Variants in LCLAT1 observed in about 807,000 individuals in gnomAD.
LCLAT1 encodes lysocardiolipin acyltransferase 1.
A neutral mutation model predicts 30.7 loss-of-function variants in LCLAT1; 11 were observed. The ratio of observed to expected loss-of-function variants is 0.36; its 90% CI spans 0.23 to 0.59. The LOEUF (loss-of-function observed/expected upper bound fraction) is 0.59, where lower values mean the gene tolerates loss of function less well. LCLAT1 is among the 20% of genes least tolerant of loss of function. The pLI is 0.77. For missense variants in LCLAT1, 402 were observed against 458.6 expected, an observed-to-expected ratio of 0.88 and a Z score of 1.13; for synonymous variants, 155 against 151.3, an observed-to-expected ratio of 1.02 and a Z score of -0.18.
intron 5 of LCLAT1, among the ~76,000 whole-genome samples, chr2:30,569,381 C>G (rs1318532084): frequency 6.6e-6 from 1 of 152,166 alleles, no homozygotes; most frequent in Non-Finnish European, 1.5e-5. Context: ...GAAAAGGTAA[C>G]TATTCGGAAA....
intron 5 of LCLAT1, among the ~76,000 whole-genome samples, chr2:30,621,095 T>G (rs995662980): frequency 1.3e-4 from 20 of 152,196 alleles, no homozygotes; most frequent in Admixed American, 1.2e-3. Context: ...TGGCCAGGTA[T>G]CTTGATAGGA....
chr2:30,584,249 C>T (rs895241660), intron 5 of LCLAT1, among the ~76,000 whole-genome samples: 1 of 152,224 alleles, frequency 6.6e-6, no homozygotes, highest in Non-Finnish European at 1.5e-5. Context: ...GTTGTAGTTA[C>T]ATGCGTGAAC....
intron 3 of LCLAT1, among the ~76,000 whole-genome samples, chr2:30,554,165 T>C (rs1302047398): frequency 6.6e-6 from 1 of 152,254 alleles, no homozygotes; most frequent in Non-Finnish European, 1.5e-5. Flanking sequence ...CAAAACCTCA[T>C]GGATATTGCT....
At chr2:30,517,769 C>CAG (rs1159450643) in intron 1 of LCLAT1, among the ~76,000 whole-genome samples, 1 of 150,342 alleles carries the variant, frequency 6.7e-6, no homozygotes, top group Non-Finnish European at 1.5e-5. Context: ...GACAGAAAGT[C>CAG]AGAGAGAGAA....
At chr2:30,587,764 AC>A (rs1666509667) in intron 5 of LCLAT1, among the ~76,000 whole-genome samples, 1 of 151,802 alleles carries the variant, frequency 6.6e-6, no homozygotes, top group Non-Finnish European at 1.5e-5. Flanking sequence ...TGTTTATGGT[AC>A]CTTTTTTTTT....
rs186011067 is a variant in LCLAT1 at position 30,634,775 on chromosome 2, G to C, written c.629-5342G>C. Among the ~76,000 whole-genome samples, 3 of 152,282 alleles carry C rather than the reference G, an allele frequency of 2.0e-5. No homozygotes were observed. In the East Asian group the frequency reaches 5.8e-4, roughly 29 times the overall value. On this transcript the variant is annotated intron_variant, in intron 5 of 5. Coordinates refer to ENST00000379509, the MANE Select transcript of LCLAT1 (RefSeq NM_001002257.3). The stretch of plus-strand genomic sequence containing the variant: ...CTGCAGGTACATTTTTTTCTTTACA[G>C]ATTACAGTATTTTAGCCCAGTTATA...
chr2:30,567,010 A>G (rs1440511201), intron 4 of LCLAT1, among the ~76,000 whole-genome samples: 1 of 152,196 alleles, frequency 6.6e-6, no homozygotes. Context: ...CAGATATTTC[A>G]GTTCACATTG....
intron 3 of LCLAT1, among the ~76,000 whole-genome samples, chr2:30,535,422 C>T (rs1471008788): frequency 1.3e-5 from 2 of 152,106 alleles, no homozygotes; most frequent in Non-Finnish European, 2.9e-5. Flanking sequence ...TGTGTGCATA[C>T]GTGTGTTCAC....
At chr2:30,590,416 A>G (rs1034307384) in intron 5 of LCLAT1, among the ~76,000 whole-genome samples, 2 of 151,596 alleles carry the variant, frequency 1.3e-5, no homozygotes, top group Admixed American at 1.3e-4. Flanking sequence ...GATTTATAAA[A>G]AGAAGTGAAG....
At chr2:30,617,641 C>G (rs1158442389) in intron 5 of LCLAT1, among the ~76,000 whole-genome samples, 1 of 152,114 alleles carries the variant, frequency 6.6e-6, no homozygotes, top group Non-Finnish European at 1.5e-5. Flanking sequence ...ACCATCCTGA[C>G]CAAAACCTGA....
chr2:30,488,191 A>G (rs1044032523), intron 1 of LCLAT1, among the ~76,000 whole-genome samples: 1 of 152,248 alleles, frequency 6.6e-6, no homozygotes, highest in South Asian at 2.1e-4. Context: ...AGTAAATCAC[A>G]TGAATTTTTT....
intron 5 of LCLAT1, among the ~76,000 whole-genome samples, chr2:30,612,623 T>G (rs1041239847): frequency 9.9e-5 from 15 of 152,178 alleles, no homozygotes; most frequent in African/African-American, 3.1e-4. Flanking sequence ...CTACAGAGTA[T>G]CTAAGGCTTG....
At chr2:30,571,050 G>C (rs1304969161) in intron 5 of LCLAT1, among the ~76,000 whole-genome samples, 2 of 152,168 alleles carry the variant, frequency 1.3e-5, no homozygotes, top group African/African-American at 4.8e-5. Context: ...ATTAAGACTT[G>C]AGATCATCAT....
intron 1 of LCLAT1, among the ~76,000 whole-genome samples, chr2:30,488,736 G>A (rs1395748367): frequency 1.3e-5 from 2 of 152,220 alleles, no homozygotes; most frequent in African/African-American, 2.4e-5. Flanking sequence ...TAGAGCTAGA[G>A]AGGGTCTTGG....
intron 5 of LCLAT1, among the ~76,000 whole-genome samples, chr2:30,630,328 TGAG>T (rs1216098851): frequency 6.6e-6 from 1 of 152,226 alleles, no homozygotes; most frequent in East Asian, 1.9e-4. Context: ...ATAAGAATCT[TGAG>T]GATACAATTG....
chr2:30,459,606 G>A (rs1682003732), intron 1 of LCLAT1: 1 of 1,597,276 alleles, frequency 6.3e-7, no homozygotes, highest in Non-Finnish European at 8.6e-7. Flanking sequence ...AATGGATGAT[G>A]TGATATATGC....
chr2:30,527,547 G>A (rs1222920562), intron 2 of LCLAT1, among the ~76,000 whole-genome samples: 2 of 152,288 alleles, frequency 1.3e-5, no homozygotes, highest in South Asian at 2.1e-4. Context: ...TTTGGAGAGC[G>A]AGCATAAGCA....
At chr2:30,615,648 G>A (rs1283816284) in intron 5 of LCLAT1, among the ~76,000 whole-genome samples, 4 of 152,012 alleles carry the variant, frequency 2.6e-5, no homozygotes, top group Admixed American at 6.6e-5. Context: ...AAGTTTCTGG[G>A]AGAAAAGAGA....
intron 3 of LCLAT1, among the ~76,000 whole-genome samples, chr2:30,536,869 C>G (rs1686271602): frequency 6.6e-6 from 1 of 152,258 alleles, no homozygotes; most frequent in African/African-American, 2.4e-5. Flanking sequence ...CTATTAATAA[C>G]CTTGAATGTA....
Sources: allele counts gnomAD v4.1 joint callset (sites outside exome capture counted in the v4.1 genomes callset), GRCh38; gene constraint gnomAD v4.1.1; transcripts MANE v1.5; gene names NCBI Gene and HGNC (gene_info 2026-07-23, HGNC 2026-07-21).